EPB41L3: variants seen among roughly 807,000 people sequenced by gnomAD.
EPB41L3 encodes the protein band 4.1-like protein 3.
Under a neutral mutation model 127.1 loss-of-function variants are expected in EPB41L3, and 57 were observed. The observed-to-expected ratio is 0.45, with a 90% CI of 0.36 to 0.56. The LOEUF (loss-of-function observed/expected upper bound fraction) is 0.56, where lower values mean the gene tolerates loss of function less well. Among genes scored for constraint, EPB41L3 ranks in the 20% least tolerant of loss-of-function variants. The pLI is 0.00. For missense variants in EPB41L3, 1,273 were observed against 1,372.2 expected, an observed-to-expected ratio of 0.93 and a Z score of 1.14; for synonymous variants, 572 against 549.5, an observed-to-expected ratio of 1.04 and a Z score of -0.57.
chr18:5,471,389 G>A (rs1323849818), intron 3 of EPB41L3, among the ~76,000 whole-genome samples: 1 of 152,158 alleles, frequency 6.6e-6, no homozygotes, highest in Non-Finnish European at 1.5e-5. Context: ...CACAGCTCAT[G>A]GGAAAACTCT....
At chr18:5,570,458 A>G (rs2094262836) in intron 3 of EPB41L3, among the ~76,000 whole-genome samples, 1 of 152,188 alleles carries the variant, frequency 6.6e-6, no homozygotes, top group Non-Finnish European at 1.5e-5. Context: ...TAGGCTTGCA[A>G]TGGCTGTCTT....
chr18:5,457,768 C>T (rs1478392381), intron 3 of EPB41L3, among the ~76,000 whole-genome samples: 1 of 152,110 alleles, frequency 6.6e-6, no homozygotes, highest in African/African-American at 2.4e-5. Flanking sequence ...AGACTGTACA[C>T]ACACCTCCAC....
In EPB41L3 at chr18:5,406,844, G is replaced by A; in HGVS notation, c.2282C>T (p.Thr761Ile). The A allele has an allele frequency of 6.2e-7, 1 of 1,614,220 alleles. No individual in the cohort carries two copies. The highest frequency in any genetic ancestry group is 1.1e-5 in the South Asian group (1 of 91,084). The change falls in exon 16 of 23, where the codon ACC becomes ATC. Residue 761 changes from threonine to isoleucine, a missense_variant. Coordinates refer to ENST00000341928, the MANE Select transcript of EPB41L3 (RefSeq NM_012307.5). ...VTNEWEKRLS[T>I]SPVRLAARQE... ...CCTGGCGGCCAGTCGCACGGGGGAGGTGGAAAGCCTCTTCTCCCATTCATT... is the reference window on the plus strand; with the variant it reads ...CCTGGCGGCCAGTCGCACGGGGGAGATGGAAAGCCTCTTCTCCCATTCATT...
intron 3 of EPB41L3, among the ~76,000 whole-genome samples, chr18:5,592,359 G>C (rs939125466): frequency 6.6e-6 from 1 of 152,128 alleles, no homozygotes; most frequent in Non-Finnish European, 1.5e-5. Context: ...GAGAGACAGG[G>C]TTTCACCATG....
At chr18:5,624,987 G>C (rs2094906444) in intron 1 of EPB41L3, among the ~76,000 whole-genome samples, 1 of 152,226 alleles carries the variant, frequency 6.6e-6, no homozygotes, top group Middle Eastern at 3.4e-3. Context: ...AAAGAAATAG[G>C]GTGAGCGAAA....
chr18:5,400,619 T>G, intron 16 of EPB41L3: 1 of 466,386 alleles, frequency 2.1e-6, no homozygotes, highest in Non-Finnish European at 4.3e-6. Flanking sequence ...CAATAAGAAT[T>G]CAGAACTTTC....
At chr18:5,597,064 G>A (rs921184702) in intron 3 of EPB41L3, among the ~76,000 whole-genome samples, 1 of 152,056 alleles carries the variant, frequency 6.6e-6, no homozygotes, top group Non-Finnish European at 1.5e-5. Context: ...TCTCTGAAAA[G>A]AAGGAAAAGG....
At chr18:5,518,589 C>T (rs1360601772) in intron 1 of EPB41L3, 1 of 152,166 alleles carries the variant, frequency 6.6e-6, no homozygotes, top group Non-Finnish European at 1.5e-5. Flanking sequence ...CATCTTCAGT[C>T]CTAGAAGAAT....
intron 3 of EPB41L3, among the ~76,000 whole-genome samples, chr18:5,599,758 T>A (rs922960962): frequency 2.6e-5 from 4 of 152,178 alleles, no homozygotes; most frequent in African/African-American, 9.7e-5. Context: ...CAGAAGCCAC[T>A]ATGCTTCCTG....
At chr18:5,411,790 C>T (rs1455467834) in intron 13 of EPB41L3, among the ~76,000 whole-genome samples, 2 of 152,074 alleles carry the variant, frequency 1.3e-5, no homozygotes, top group Non-Finnish European at 2.9e-5. Flanking sequence ...TTTCCACTGA[C>T]AAAACTAAAC....
At chr18:5,403,669 A>C (rs556873763) in intron 16 of EPB41L3, among the ~76,000 whole-genome samples, 5 of 151,478 alleles carry the variant, frequency 3.3e-5, no homozygotes, top group African/African-American at 1.2e-4. Flanking sequence ...TTTCTTTCTG[A>C]TTCTGACACA....
intron 1 of EPB41L3, among the ~76,000 whole-genome samples, chr18:5,514,904 T>TA (rs1244021442): frequency 6.6e-6 from 1 of 152,340 alleles, no homozygotes; most frequent in Admixed American, 6.5e-5. Flanking sequence ...AAGCTATCTT[T>TA]AAATCAACAT....
At chr18:5,446,196 C>G (rs2081450645) in intron 3 of EPB41L3, among the ~76,000 whole-genome samples, 1 of 151,996 alleles carries the variant, frequency 6.6e-6, no homozygotes, top group Non-Finnish European at 1.5e-5. Context: ...CAGAGTTTTT[C>G]TCTTAACTTT....
intron 1 of EPB41L3, among the ~76,000 whole-genome samples, chr18:5,492,462 G>A (rs1463254527): frequency 2.0e-5 from 3 of 150,594 alleles, no homozygotes; most frequent in Non-Finnish European, 2.9e-5. Flanking sequence ...CATTGCTTTG[G>A]TTCTTTTTCT....
At chr18:5,479,116 T>TTA (rs769760382) in intron 2 of EPB41L3, among the ~76,000 whole-genome samples, 12 of 152,214 alleles carry the variant, frequency 7.9e-5, no homozygotes, top group Admixed American at 3.3e-4. Context: ...TCCAGGCTAG[T>TTA]TATAAAACTG....
At chr18:5,629,891 C>T (rs1013694671), upstream of EPB41L3, among the ~76,000 whole-genome samples, 1 of 152,118 alleles carries the variant, frequency 6.6e-6, no homozygotes, top group Non-Finnish European at 1.5e-5. Flanking sequence ...CACAGAGTCT[C>T]GGAATAGGCT....
At chr18:5,627,063 G>T (rs766020490) in intron 1 of EPB41L3, among the ~76,000 whole-genome samples, 2 of 152,136 alleles carry the variant, frequency 1.3e-5, no homozygotes, top group Non-Finnish European at 2.9e-5. Context: ...CTGACCTTCC[G>T]CGGACTTCTC....
intron 3 of EPB41L3, among the ~76,000 whole-genome samples, chr18:5,564,832 G>T (rs533251679): frequency 2.0e-5 from 3 of 152,076 alleles, no homozygotes; most frequent in African/African-American, 7.2e-5. Flanking sequence ...CTCGATGAAG[G>T]CTTGTGTATT....
At chr18:5,597,793 C>T (rs190722208) in intron 3 of EPB41L3, among the ~76,000 whole-genome samples, 6 of 152,252 alleles carry the variant, frequency 3.9e-5, no homozygotes, top group Admixed American at 1.3e-4. Context: ...CACAGTCTTA[C>T]TCCTAGACAC....
Sources: gnomAD v4.1 joint callset for allele counts (sites outside exome capture counted in the v4.1 genomes callset) on GRCh38, gnomAD v4.1.1 for gene constraint, MANE v1.5 for transcripts, NCBI Gene and HGNC (gene_info 2026-07-23, HGNC 2026-07-21) for gene names.